PRH1: variants seen among roughly 807,000 people sequenced by gnomAD.
The protein encoded by PRH1 is salivary acidic proline-rich phosphoprotein 1/2.
PRH1 carries 7 observed loss-of-function variants against 7.9 expected under a neutral mutation model. The ratio of observed to expected loss-of-function variants is 0.89; its 90% CI spans 0.50 to 1.67. The LOEUF is 1.67. Ranked by LOEUF, PRH1 falls within the 40% of genes most tolerant of loss-of-function variation. PRH1 has a pLI of 0.00. For synonymous variants in PRH1, 45 were observed against 80.8 expected (o/e 0.56, Z 2.38); for missense variants, 109 against 223.6 (o/e 0.49, Z 3.27).
chr12:11,071,131 A>G (rs1944048217), intron 1 of PRH1, among the ~76,000 whole-genome samples: 2 of 27,478 alleles, frequency 7.3e-5, no homozygotes, highest in Admixed American at 5.3e-4. Flanking sequence ...TCCGAGACCA[A>G]TCTCTCCTGA....
Position 11,145,524 on chromosome 12 carries a change from C to A in PRH1, n.40-24344G>T, listed in dbSNP as rs114777411. On this transcript the variant is annotated intron_variant and non_coding_transcript_variant, in intron 1 of 1. Transcript: ENST00000541175. Reference sequence around the variant, plus strand: ...TTCTAAAAAATGAAATTGTTCCTCACTGATACATAATCCCTCAATATTAGA... The same window carrying A: ...TTCTAAAAAATGAAATTGTTCCTCAATGATACATAATCCCTCAATATTAGA... Among the ~76,000 whole-genome samples, 1,234 of 152,226 alleles carry A rather than the reference C, an allele frequency of 8.1e-3. 12 individuals carry two copies. The highest frequency in any genetic ancestry group is 0.022 in the African/African-American group (899 of 41,562).
intron 1 of PRH1, among the ~76,000 whole-genome samples, chr12:10,978,282 T>C (rs1939200199): frequency 6.6e-6 from 1 of 152,170 alleles, no homozygotes; most frequent in African/African-American, 2.4e-5. Context: ...AGCCATCTGA[T>C]CTTCAACAAA....
At chr12:11,117,500 TAC>T (rs1296803221), downstream of PRH1, among the ~76,000 whole-genome samples, 1 of 152,112 alleles carries the variant, frequency 6.6e-6, no homozygotes, top group African/African-American at 2.4e-5. Flanking sequence ...CCAAAGAATC[TAC>T]AGATTCAATG....
At chr12:10,929,440 T>C (rs1950170607) in intron 2 of PRH1, 3 of 1,423,784 alleles carry the variant, frequency 2.1e-6, no homozygotes, top group African/African-American at 1.4e-5. Context: ...AGAAAACAGA[T>C]AGGACTGAAG....
intron 1 of PRH1, among the ~76,000 whole-genome samples, chr12:11,111,392 A>G (rs551447750): frequency 4.1e-4 from 62 of 152,342 alleles, no homozygotes; most frequent in Admixed American, 2.6e-3. Context: ...AACTGACCAC[A>G]TAAGTGGAAG....
Position 10,882,266 on chromosome 12 carries a change from T to C in PRH1, c.533A>G (p.Gln178Arg), listed in dbSNP as rs939679843. 6.2e-7 allele frequency: 1 copy of C among 1,613,374 alleles called. No homozygotes were observed. Among genetic ancestry groups the C allele is most frequent in the Non-Finnish European group, 8.5e-7 (1 of 1,179,772 alleles). Residue 178 changes from glutamine to arginine, a missense_variant, in exon 3 of 4, where the codon CAA (glutamine) becomes CGA (arginine). Physicochemically the swap from Gln to Arg is conservative, Grantham distance 43. Around this residue, in one of 3 missense-constraint regions of PRH1, gnomAD observed 45 missense variants for 88.8 expected, o/e 0.51. Transcript: ENST00000543626. ...QGPPPQGGRP[Q>R]GPPQGQSPQ is the part of the protein sequence containing the mutation. Reference sequence around the variant, plus strand: ...AGGAGACTGCCCCTGTGGAGGTCCTTGTGGGCGGCCCCCTTGGGGAGGTGG... The same window carrying C: ...AGGAGACTGCCCCTGTGGAGGTCCTCGTGGGCGGCCCCCTTGGGGAGGTGG...
intron 1 of PRH1, among the ~76,000 whole-genome samples, chr12:11,152,078 T>C (rs985942824): frequency 6.6e-6 from 1 of 151,964 alleles, no homozygotes; most frequent in African/African-American, 2.4e-5. Context: ...ATTTTCTTTC[T>C]TCTTTTTTTA....
rs149889780 is a variant in PRH1, at chr12:10,933,816, G to A, written c.-59+39839C>T. On this transcript the variant is annotated intron_variant, in intron 2 of 3. Transcript: ENST00000539853. The stretch of plus-strand genomic sequence containing the variant: ...CACAAAGAAAAAGCTTGTCAATGTT[G>A]TGGATAATTAGAAAGTGAATAATTT... 3.9e-3 allele frequency among the ~76,000 whole-genome samples: 597 copies of A among 152,144 alleles called. 3 individuals carry two copies. The highest frequency in any genetic ancestry group is 6.4e-3 in the Non-Finnish European group (432 of 67,952).
intron 3 of PRH1, 104 bp from the exon 4 acceptor site, chr12:10,881,160 C>T (rs1248057825): frequency 1.3e-5 from 2 of 156,448 alleles, no homozygotes; most frequent in South Asian, 1.9e-4. Context: ...GATGCAAGCC[C>T]CTACTCTTGC....
intron 1 of PRH1, among the ~76,000 whole-genome samples, chr12:11,111,148 T>C: frequency 6.6e-6 from 1 of 152,142 alleles, no homozygotes; most frequent in South Asian, 2.1e-4. Context: ...CCCAGATTCA[T>C]AAAGCAAGTT....
chr12:11,109,642 TAC>T (rs1337097865), intron 1 of PRH1, among the ~76,000 whole-genome samples: 4 of 151,980 alleles, frequency 2.6e-5, no homozygotes, highest in Admixed American at 6.6e-5. Context: ...AAAAAGGATG[TAC>T]ACACAGAGAC....
rs548759687 is a variant in PRH1, at chr12:10,909,987, C to T, written c.-58-25712G>A. ...GCACCAAATGCCTTCACATTTTATC[C>T]GCTTTTCCCCTCATATTTCTTTTTT... On this transcript the variant is annotated intron_variant, in intron 2 of 3. Transcript: ENST00000539853. 1.4e-4 allele frequency among the ~76,000 whole-genome samples: 21 copies of T among 152,248 alleles called. 1 individual carries two copies. The highest frequency in any genetic ancestry group is 2.6e-4 in the Admixed American group (4 of 15,282).
upstream of PRH1, among the ~76,000 whole-genome samples, chr12:10,889,252 T>C (rs147640568): frequency 6.6e-6 from 1 of 152,328 alleles, no homozygotes; most frequent in East Asian, 1.9e-4. Flanking sequence ...AATGCCTGGA[T>C]TTCCTTTACA....
At chr12:11,016,336 C>A (rs1261038600) in intron 1 of PRH1, among the ~76,000 whole-genome samples, 3 of 152,188 alleles carry the variant, frequency 2.0e-5, no homozygotes, top group African/African-American at 7.2e-5. Context: ...GGAATAAATT[C>A]ATTACTTTTG....
chr12:11,139,473 TC>T (rs1172969949), intron 1 of PRH1, among the ~76,000 whole-genome samples: 1 of 152,222 alleles, frequency 6.6e-6, no homozygotes. Context: ...AAATTTTTTT[TC>T]CAAACTTTAT....
chr12:11,075,549 G>A lies in PRH1; in HGVS notation n.124-28361C>T, dbSNP rs1249785699. Among the ~76,000 whole-genome samples the A allele has an allele frequency of 2.6e-5, 3 of 114,738 alleles. 1 individual carries two copies. In the East Asian group the frequency reaches 6.4e-4, roughly 24 times the overall value. 75.3% of individuals were successfully genotyped at this position (114,738 alleles called of 152,430 possible). A position where few individuals can be genotyped will look rare whatever the true frequency, so the allele number is the denominator to read the frequency against. On this transcript the variant is annotated intron_variant and non_coding_transcript_variant, in intron 1 of 4. Coordinates refer to the PRH1 transcript ENST00000541977. ...TCTTGTGATGGGGTCTGCTAACCCC[G>A]AGCAGCTGGCACTCACAGCTGAACC...
At chr12:11,027,179 C>T (rs3983359) in intron 1 of PRH1, among the ~76,000 whole-genome samples, 137,056 of 143,886 alleles carry the variant, frequency 0.95, 65,188 homozygotes, top group Middle Eastern at 0.98. Context: ...GTGGGGGAAT[C>T]ACTTGAGCCC....
intron 2 of PRH1, chr12:10,908,790 C>G: frequency 1.2e-6 from 2 of 1,614,002 alleles, no homozygotes; most frequent in Non-Finnish European, 1.7e-6. Flanking sequence ...TTCAAAGTCA[C>G]TCATACTGAA....
At chr12:10,898,718 A>G (rs1290772072) in intron 2 of PRH1, among the ~76,000 whole-genome samples, 1 of 152,246 alleles carries the variant, frequency 6.6e-6, no homozygotes, top group Non-Finnish European at 1.5e-5. Flanking sequence ...ATTTTAAATA[A>G]GGTGCTTAGG....
Sources: allele counts gnomAD v4.1 joint callset (sites outside exome capture counted in the v4.1 genomes callset), GRCh38; gene constraint gnomAD v4.1.1; regional missense constraint gnomAD v4.1.1; transcripts MANE v1.5; gene names NCBI Gene and HGNC (gene_info 2026-07-23, HGNC 2026-07-21).